ZMYND11: variants seen among roughly 807,000 people sequenced by gnomAD.
The protein encoded by ZMYND11 is zinc finger MYND domain-containing protein 11.
A neutral mutation model predicts 84.9 loss-of-function variants in ZMYND11; 9 were observed. The ratio of observed to expected loss-of-function variants is 0.11; its 90% CI spans 0.06 to 0.18. The LOEUF (loss-of-function observed/expected upper bound fraction) is 0.18. Among genes scored for constraint, ZMYND11 ranks in the 10% least tolerant of loss-of-function variants. The probability of loss-of-function intolerance (pLI) is 1.00; values close to 1 mark genes in which losing one functional copy is unlikely to be tolerated. For missense variants in ZMYND11, 409 were observed against 761.0 expected (o/e 0.54, Z 5.44); for synonymous variants, 250 against 244.1 (o/e 1.02, Z -0.23).
At chr10:210,600 A>G (rs902542709) in intron 3 of ZMYND11, among the ~76,000 whole-genome samples, 1 of 152,220 alleles carries the variant, frequency 6.6e-6, no homozygotes, top group African/African-American at 2.4e-5. Context: ...TAGGAAAGAC[A>G]GAACATTAAT....
chr10:204,270 G>A (rs1305035728), intron 2 of ZMYND11, among the ~76,000 whole-genome samples: 1 of 152,092 alleles, frequency 6.6e-6, no homozygotes, highest in Non-Finnish European at 1.5e-5. Flanking sequence ...CACTTTTACT[G>A]TAATGAAAAT....
intron 2 of ZMYND11, among the ~76,000 whole-genome samples, chr10:204,674 G>T (rs1943820232): frequency 6.6e-6 from 1 of 152,050 alleles, no homozygotes; most frequent in African/African-American, 2.4e-5. Flanking sequence ...TTAGGTTACA[G>T]AAGTATTTAC....
intron 1 of ZMYND11, among the ~76,000 whole-genome samples, chr10:142,380 C>G (rs1837698461): frequency 6.6e-6 from 1 of 152,174 alleles, no homozygotes. Context: ...TGTGACCCAC[C>G]TTGCCCAGCC....
intron 6 of ZMYND11, 96 bp downstream of exon 6, chr10:237,773 C>T (rs1950224349): frequency 5.5e-5 from 47 of 861,800 alleles, no homozygotes; most frequent in Non-Finnish European, 8.2e-5. Flanking sequence ...GGTTGCTCTT[C>T]TTTCCTTGAA....
At position 156,322 on chromosome 10, in the gene ZMYND11, A is replaced by G. The variant is rs191541511; in HGVS notation, c.-20+20763A>G. Reference sequence around the variant, plus strand: ...CCCTGGGGAGTTAGAAAACATGTTTATTTATACTCTGTTTAAGCAGATATG... The same window carrying G: ...CCCTGGGGAGTTAGAAAACATGTTTGTTTATACTCTGTTTAAGCAGATATG... On this transcript the variant is annotated intron_variant, in intron 1 of 14. Coordinates refer to ENST00000381604, the MANE Select transcript of ZMYND11 (RefSeq NM_001370100.5). 7.2e-5 allele frequency among the ~76,000 whole-genome samples: 11 copies of G among 152,266 alleles called. No homozygotes were observed. In the East Asian group the frequency reaches 1.7e-3, roughly 24 times the overall value.
intron 1 of ZMYND11, among the ~76,000 whole-genome samples, chr10:175,468 C>T (rs184535612): frequency 1.8e-4 from 27 of 152,186 alleles, no homozygotes; most frequent in Admixed American, 1.5e-3. Flanking sequence ...CAACGGGAGG[C>T]TGATGCAGGA....
At chr10:237,054 A>AT (rs1950112163) in intron 5 of ZMYND11, 139 bp downstream of exon 5, 6 of 764,914 alleles carry the variant, frequency 7.8e-6, no homozygotes, top group African/African-American at 1.8e-5. Flanking sequence ...GTCATGTCAT[A>AT]TTTCTTTTTT....
chr10:185,182 C>G (rs561332459), intron 2 of ZMYND11, among the ~76,000 whole-genome samples: 1 of 152,098 alleles, frequency 6.6e-6, no homozygotes, highest in Admixed American at 6.6e-5. Flanking sequence ...TGCTTTCCAG[C>G]GAGTCTTTGT....
At chr10:142,210 C>T (rs868952340) in intron 1 of ZMYND11, among the ~76,000 whole-genome samples, 2 of 152,314 alleles carry the variant, frequency 1.3e-5, no homozygotes, top group South Asian at 4.1e-4. Context: ...AAGTGATCCT[C>T]ACACCTCAGC....
intron 3 of ZMYND11, among the ~76,000 whole-genome samples, chr10:213,661 A>G (rs780855953): frequency 9.2e-5 from 14 of 151,952 alleles, no homozygotes; most frequent in Non-Finnish European, 1.5e-4. Flanking sequence ...GAAAAGGTGT[A>G]TTTATCTTGA....
At chr10:227,843 T>G (rs1004591334) in intron 4 of ZMYND11, among the ~76,000 whole-genome samples, 2 of 152,200 alleles carry the variant, frequency 1.3e-5, no homozygotes, top group Non-Finnish European at 2.9e-5. Context: ...CTTTTACACT[T>G]TCAAGATACA....
intron 2 of ZMYND11, among the ~76,000 whole-genome samples, chr10:201,738 G>A (rs1588905739): frequency 1.3e-5 from 2 of 152,056 alleles, no homozygotes; most frequent in African/African-American, 2.4e-5. Context: ...AGAAGGGAGC[G>A]CTCTGGGGTG....
At chr10:217,349 C>T (rs1347379771) in intron 3 of ZMYND11, among the ~76,000 whole-genome samples, 11 of 151,986 alleles carry the variant, frequency 7.2e-5, no homozygotes, top group South Asian at 2.1e-4. Flanking sequence ...GGCGAAATCC[C>T]GTCTCTACTA....
intron 1 of ZMYND11, among the ~76,000 whole-genome samples, chr10:152,026 G>T (rs1840497382): frequency 6.6e-6 from 1 of 152,168 alleles, no homozygotes; most frequent in Admixed American, 6.5e-5. Context: ...GAGAGATTTT[G>T]TCACCACCAG....
At chr10:251,075 T>C (rs1953385644) in intron 14 of ZMYND11, among the ~76,000 whole-genome samples, 1 of 152,154 alleles carries the variant, frequency 6.6e-6, no homozygotes, top group Non-Finnish European at 1.5e-5. Flanking sequence ...TTGTAAGAAA[T>C]AGAGTAGTAT....
intron 1 of ZMYND11, among the ~76,000 whole-genome samples, chr10:167,582 T>C (rs1011117864): frequency 3.3e-5 from 5 of 152,158 alleles, no homozygotes; most frequent in African/African-American, 1.2e-4. Context: ...CTTAATCTAA[T>C]GTACTTTGAT....
At chr10:195,469 T>C (rs1390244117) in intron 2 of ZMYND11, among the ~76,000 whole-genome samples, 1 of 152,246 alleles carries the variant, frequency 6.6e-6, no homozygotes, top group African/African-American at 2.4e-5. Context: ...CATATATTTC[T>C]ATAACAGACT....
intron 4 of ZMYND11, among the ~76,000 whole-genome samples, chr10:225,991 T>TTGTA (rs1266964008): frequency 6.6e-6 from 1 of 152,184 alleles, no homozygotes; most frequent in African/African-American, 2.4e-5. Context: ...TGAATGTGAC[T>TTGTA]TGTAGACCAA....
chr10:192,810 G>T (rs947662702), intron 2 of ZMYND11, among the ~76,000 whole-genome samples: 2 of 152,188 alleles, frequency 1.3e-5, no homozygotes, highest in African/African-American at 4.8e-5. Flanking sequence ...GCAGCTCTTG[G>T]TGTTCTTATA....
Sources: gnomAD v4.1 joint callset for allele counts (sites outside exome capture counted in the v4.1 genomes callset) on GRCh38, gnomAD v4.1.1 for gene constraint, MANE v1.5 for transcripts, NCBI Gene and HGNC (gene_info 2026-07-23, HGNC 2026-07-21) for gene names.